Variants in ABHD16A observed in about 807,000 individuals in gnomAD.
The protein encoded by ABHD16A is abhydrolase domain containing 16A, phospholipase, also known as phosphatidylserine lipase ABHD16A.
ABHD16A carries 47 observed loss-of-function variants against 89.8 expected under a neutral mutation model. The observed-to-expected ratio is 0.52, with a 90% CI of 0.41 to 0.67. ABHD16A has a LOEUF of 0.67. ABHD16A is among the 30% of genes least tolerant of loss of function. The pLI is 0.00. For missense variants in ABHD16A, 580 were observed against 734.6 expected, an observed-to-expected ratio of 0.79 and a Z score of 2.43; for synonymous variants, 251 against 280.4, an observed-to-expected ratio of 0.90 and a Z score of 1.05.
At chr6:31,701,098 C>A in intron 3 of ABHD16A, 70 bp from the exon 4 acceptor site, 1 of 1,409,838 alleles carries the variant, frequency 7.1e-7, no homozygotes. Context: ...CAGTTCAGCC[C>A]CAACCTCCAC....
intron 5 of ABHD16A, 57 bp downstream of exon 5, chr6:31,696,891 A>T: frequency 1.2e-5 from 18 of 1,513,950 alleles, no homozygotes; most frequent in Non-Finnish European, 1.7e-5. Flanking sequence ...GCTCTGAGGG[A>T]CAACTGAGAA....
At position 31,703,248 on chromosome 6, in the gene ABHD16A, G is replaced by T; in HGVS notation, c.34C>A (p.Arg12=). The T allele has an allele frequency of 4.9e-6, 7 of 1,422,798 alleles. No individual in the cohort carries two copies. The highest frequency in any genetic ancestry group is 6.5e-6 in the Non-Finnish European group (7 of 1,076,620). 88.1% of individuals were successfully genotyped at this position (1,422,798 alleles called of 1,614,324 possible). ...CTCTCCCGGTAGATTTTGTAGAGCCGGGGGCCTAGGACGCAGCTCAGCAGC... is the reference window on the plus strand; with the variant it reads ...CTCTCCCGGTAGATTTTGTAGAGCCTGGGGCCTAGGACGCAGCTCAGCAGC... ...AKLLSCVLGP[R]LYKIYRERDS... The change falls in exon 1 of 20, where the codon CGG becomes AGG. Residue 12 remains arginine, a synonymous_variant. Coordinates refer to ENST00000395952, the MANE Select transcript of ABHD16A (RefSeq NM_021160.3).
intron 2 of ABHD16A, 135 bp downstream of exon 2, chr6:31,701,939 T>C (rs1805048618): frequency 1.1e-6 from 1 of 877,792 alleles, no homozygotes; most frequent in Non-Finnish European, 1.9e-6. Context: ...TGTGTCTGTG[T>C]TGGAGAGGTC....
In ABHD16A at chr6:31,689,596, T is replaced by C. The variant is rs1178627488; in HGVS notation, c.1066A>G (p.Ile356Val). The change falls in exon 12 of 20, where the codon ATC becomes GTC. Residue 356 changes from isoleucine (I) to valine (V), a missense_variant. Physicochemically the swap from Ile to Val is conservative, Grantham distance 29. This residue lies in a region of ABHD16A where 415 missense variants were observed against 568.8 expected (regional missense o/e 0.73). Coordinates refer to ENST00000395952, the MANE Select transcript of ABHD16A (RefSeq NM_021160.3). ...PQDIIIYAWS[I>V]GGFTATWAAM... is the part of the protein sequence containing the mutation. The stretch of plus-strand genomic sequence containing the variant: ...AGGCTGGTACCAGTGAAGCCGCCGA[T>C]GGACCAGGCGTAGATGATGATGTCC... The C allele has an allele frequency of 3.7e-6, 6 of 1,604,530 alleles. No homozygotes were observed. The highest frequency in any genetic ancestry group is 1.7e-5 in the Admixed American group (1 of 58,886).
At chr6:31,701,160 A>G in intron 3 of ABHD16A, 114 bp downstream of exon 3, 2 of 1,341,290 alleles carry the variant, frequency 1.5e-6, no homozygotes, top group Non-Finnish European at 2.1e-6. Context: ...AAGATGCCTG[A>G]TGGAAGAGGG....
chr6:31,702,434 G>A (rs1181005358), intron 1 of ABHD16A, among the ~76,000 whole-genome samples: 1 of 152,238 alleles, frequency 6.6e-6, no homozygotes, highest in Non-Finnish European at 1.5e-5. Context: ...CATGTGGGGA[G>A]AAGGGTTAGT....
At position 31,693,485 on chromosome 6, in the gene ABHD16A, C is replaced by G; in HGVS notation, c.430-53G>C. Reference sequence around the variant, plus strand: ...TACTGAGAACTCAGGGGAGGCTCTCCTACCCACCCTCAACAACACCTTCGT... The same window carrying G: ...TACTGAGAACTCAGGGGAGGCTCTCGTACCCACCCTCAACAACACCTTCGT... On this transcript the variant is annotated intron_variant, in intron 5 of 19. Transcript: ENST00000395952. The surrounding 1 kb of genome is among the most constrained non-coding windows in gnomAD (Gnocchi z 5.0). 2 of 1,556,126 alleles carry G rather than the reference C, an allele frequency of 1.3e-6. No homozygotes were observed. The highest frequency in any genetic ancestry group is 1.8e-6 in the Non-Finnish European group (2 of 1,131,894).
chr6:31,694,022 A>G (rs962224989), intron 5 of ABHD16A, among the ~76,000 whole-genome samples: 1 of 150,612 alleles, frequency 6.6e-6, no homozygotes, highest in Non-Finnish European at 1.5e-5. Context: ...AGCCCATCCG[A>G]ACCTCGGGCC....
In ABHD16A at chr6:31,687,187, T is replaced by G; in HGVS notation, c.*25A>C. The G allele has an allele frequency of 6.3e-7, 1 of 1,594,560 alleles. No homozygotes were observed. Among genetic ancestry groups the G allele is most frequent in the South Asian group, 1.1e-5 (1 of 90,358 alleles). The stretch of plus-strand genomic sequence containing the variant: ...CCTCATGTCTCCTCTCACCCCATTC[T>G]TCCATAATGAGTCCCAGTTGGTCCC... On this transcript the variant is annotated 3_prime_UTR_variant, in exon 20 of 20. Transcript: ENST00000395952. The surrounding 1 kb of genome is among the most constrained non-coding windows in gnomAD (Gnocchi z 6.3).
intron 12 of ABHD16A, 143 bp downstream of exon 12, chr6:31,689,438 G>T: frequency 7.9e-7 from 1 of 1,265,308 alleles, no homozygotes; most frequent in Non-Finnish European, 1.1e-6. Context: ...AAATAGGATA[G>T]CTTCTTCCAG....
chr6:31,688,159 G>A lies in ABHD16A; in HGVS notation c.1308-56C>T, dbSNP rs1803491648. ...GCTGGAGGTTAGGAGGAAGGGTCTA[G>A]ATACCCAGGTTTCTGGTGGGCAGAG... On this transcript the variant is annotated intron_variant, in intron 15 of 19. Coordinates refer to ENST00000395952, the MANE Select transcript of ABHD16A (RefSeq NM_021160.3). The surrounding 1 kb of genome is among the most constrained non-coding windows in gnomAD (Gnocchi z 4.9). 3 of 1,605,968 alleles carry A rather than the reference G, an allele frequency of 1.9e-6. No homozygotes were observed. Among genetic ancestry groups the A allele is most frequent in the Non-Finnish European group, 1.7e-6 (2 of 1,174,254 alleles).
intron 9 of ABHD16A, 128 bp downstream of exon 9, chr6:31,691,451 G>T: frequency 1.3e-6 from 1 of 764,732 alleles, no homozygotes; most frequent in Non-Finnish European, 2.2e-6. Flanking sequence ...GGTCTTTAGC[G>T]TGGAGCTAGG....
chr6:31,688,177 G>C lies in ABHD16A; in HGVS notation c.1307+72C>G. 1 of 1,605,328 alleles carries C rather than the reference G, an allele frequency of 6.2e-7. No individual in the cohort carries two copies. The highest frequency in any genetic ancestry group is 8.5e-7 in the Non-Finnish European group (1 of 1,173,142). ...GGGTCTAGATACCCAGGTTTCTGGT[G>C]GGCAGAGGTAGAAGGGACAAGTTCC... On this transcript the variant is annotated intron_variant, in intron 15 of 19. Coordinates refer to ENST00000395952, the MANE Select transcript of ABHD16A (RefSeq NM_021160.3). This position sits in a 1 kb window ranked among gnomAD's most constrained non-coding sequence, Gnocchi z 4.9.
At position 31,702,817 on chromosome 6, in the gene ABHD16A, A is replaced by G. The variant is rs1023277880; in HGVS notation, c.132+333T>C. On this transcript the variant is annotated intron_variant, in intron 1 of 19. Coordinates refer to ENST00000395952, the MANE Select transcript of ABHD16A (RefSeq NM_021160.3). ...ACTGGGAGTCTGACAGCAAAATTCA[A>G]CGGCTCCCCAGTCCGCGCAGGGTCT... is the stretch of plus-strand genomic sequence containing the variant. 5.7e-6 allele frequency: 8 copies of G among 1,412,222 alleles called. No homozygotes were observed. In the African/African-American group the frequency reaches 8.8e-5, roughly 16 times the overall value. The allele number at this position is 1,412,222 out of a possible 1,614,324, so 87.5% of individuals were successfully genotyped here.
At chr6:31,692,762 A>T (rs1346334772) in intron 7 of ABHD16A, 1 of 57,234 alleles carries the variant, frequency 1.7e-5, no homozygotes, top group Admixed American at 2.1e-4. Flanking sequence ...CCCCACCCCC[A>T]CTGCTCCTTT....
Position 31,690,668 on chromosome 6 carries a change from G to C in ABHD16A, c.844-66C>G. The C allele has an allele frequency of 6.8e-7, 1 of 1,460,562 alleles. No homozygotes were observed. The highest frequency in any genetic ancestry group is 1.7e-5 in the Admixed American group (1 of 59,720). 90.5% of individuals were successfully genotyped at this position (1,460,562 alleles called of 1,614,324 possible). The stretch of plus-strand genomic sequence containing the variant: ...GGGACTGAAAAACTCCCTTTGGGCA[G>C]GGAGGGCAGCCCATGAAGAGCTTTG... On this transcript the variant is annotated intron_variant, in intron 9 of 19. Coordinates refer to ENST00000395952, the MANE Select transcript of ABHD16A (RefSeq NM_021160.3). This position sits in a 1 kb window ranked among gnomAD's most constrained non-coding sequence, Gnocchi z 4.1.
intron 1 of ABHD16A, chr6:31,702,934 T>G: frequency 7.8e-7 from 1 of 1,287,248 alleles, no homozygotes; most frequent in Non-Finnish European, 9.9e-7. Flanking sequence ...AGAGTGGCAG[T>G]CGGAATGAGA....
Position 31,688,474 on chromosome 6 carries a change from C to T in ABHD16A, c.1251-169G>A. On this transcript the variant is annotated intron_variant, in intron 14 of 19. Transcript: ENST00000395952. The surrounding 1 kb of genome is among the most constrained non-coding windows in gnomAD (Gnocchi z 4.9). ...AGGGGATTATTTAAGGGGCATGGTTCAGTCTGGCCCTGCTGGGAGACCCCT... is the reference window on the plus strand; with the variant it reads ...AGGGGATTATTTAAGGGGCATGGTTTAGTCTGGCCCTGCTGGGAGACCCCT... The T allele has an allele frequency of 2.5e-6, 2 of 804,366 alleles. No individual in the cohort carries two copies. Among genetic ancestry groups the T allele is most frequent in the Non-Finnish European group, 4.0e-6 (2 of 505,362 alleles). 49.8% of individuals were successfully genotyped at this position (804,366 alleles called of 1,614,324 possible).
At position 31,688,091 on chromosome 6, in the gene ABHD16A, G is replaced by A; in HGVS notation, c.1320C>T (p.Asp440=). ...GGTCATTGCCTCGGTTGGACATGATGTCCTCAGGAACCCTGGGGGTGAGAA... is the reference window on the plus strand; with the variant it reads ...GGTCATTGCCTCGGTTGGACATGATATCCTCAGGAACCCTGGGGGTGAGAA... ...DEIITTTVPE[D]IMSNRGNDLL... Residue 440 remains aspartate, a synonymous_variant, in exon 16 of 20, where the codon GAC becomes GAT. Coordinates refer to ENST00000395952, the MANE Select transcript of ABHD16A (RefSeq NM_021160.3). This position sits in a 1 kb window ranked among gnomAD's most constrained non-coding sequence, Gnocchi z 4.9. 6.2e-7 allele frequency: 1 copy of A among 1,612,924 alleles called. No homozygotes were observed. Among genetic ancestry groups the A allele is most frequent in the Non-Finnish European group, 8.5e-7 (1 of 1,179,332 alleles).
Sources: gnomAD v4.1 joint callset for allele counts (sites outside exome capture counted in the v4.1 genomes callset) on GRCh38, gnomAD v4.1.1 for gene constraint, gnomAD v4.1.1 regional missense constraint, Gnocchi (gnomAD v3.1) non-coding constraint, MANE v1.5 for transcripts, NCBI Gene and HGNC (gene_info 2026-07-23, HGNC 2026-07-21) for gene names.